The following UACA variants were observed in gnomAD, a reference collection of about 807,000 sequenced individuals.
The protein encoded by UACA is nuclear membrane binding protein.
In UACA, 112 loss-of-function variants were observed where a neutral mutation model predicts 160.5. The observed-to-expected ratio is 0.70, with a 90% CI of 0.60 to 0.82. The LOEUF is 0.82. UACA is among the 40% of genes least tolerant of loss of function. The probability of loss-of-function intolerance (pLI) is 0.00; values close to 1 mark genes in which losing one functional copy is unlikely to be tolerated. For missense variants in UACA, 1,574 were observed against 1,614.6 expected (o/e 0.97, Z 0.43); for synonymous variants, 557 against 568.4 (o/e 0.98, Z 0.29).
intron 1 of UACA, among the ~76,000 whole-genome samples, chr15:70,747,243 T>G (rs1376903853): frequency 1.4e-5 from 2 of 141,760 alleles, no homozygotes; most frequent in Non-Finnish European, 3.1e-5. Context: ...TTTTTTGGGT[T>G]TTTTTTTTTT....
intron 1 of UACA, among the ~76,000 whole-genome samples, chr15:70,717,305 G>A (rs1249606029): frequency 1.3e-5 from 2 of 152,144 alleles, no homozygotes; most frequent in African/African-American, 4.8e-5. Context: ...CACTAAACTA[G>A]GCATGGACCA....
At chr15:70,715,620 C>T (rs550629241) in intron 1 of UACA, among the ~76,000 whole-genome samples, 5 of 152,232 alleles carry the variant, frequency 3.3e-5, no homozygotes, top group East Asian at 1.9e-4. Context: ...AAGTTAGCTG[C>T]TCTTCCTTTT....
intron 1 of UACA, among the ~76,000 whole-genome samples, chr15:70,737,922 T>A (rs960185450): frequency 6.6e-6 from 1 of 152,172 alleles, no homozygotes; most frequent in Non-Finnish European, 1.5e-5. Context: ...TACAATTCAA[T>A]AATTTGCTTG....
chr15:70,767,739 G>A (rs575402537), upstream of UACA, among the ~76,000 whole-genome samples: 8 of 152,126 alleles, frequency 5.3e-5, no homozygotes, highest in South Asian at 1.2e-3. Flanking sequence ...TTGCTGCTCC[G>A]AGTAGCCCTG....
At chr15:70,704,013 G>C (rs1187256921) in intron 1 of UACA, among the ~76,000 whole-genome samples, 1 of 152,082 alleles carries the variant, frequency 6.6e-6, no homozygotes, top group Non-Finnish European at 1.5e-5. Flanking sequence ...TCTGCAGGGA[G>C]CTCATCAGTA....
In UACA at chr15:70,691,291, T is replaced by G. The variant is rs1478999436; in HGVS notation, c.366+8A>C. 2 of 1,592,654 alleles carry G rather than the reference T, an allele frequency of 1.3e-6. No homozygotes were observed. Among genetic ancestry groups the G allele is most frequent in the Non-Finnish European group, 1.7e-6 (2 of 1,166,706 alleles). On this transcript the variant is annotated splice_region_variant and intron_variant, in intron 4 of 18. Coordinates refer to ENST00000322954, the MANE Select transcript of UACA (RefSeq NM_018003.4). ...TAATAAAGCTAAAGTATTAACCACT[T>G]CCACTACCTGTAGAAGTTTTTGTAG...
At chr15:70,685,646 C>T (rs994756105) in intron 7 of UACA, among the ~76,000 whole-genome samples, 2 of 152,062 alleles carry the variant, frequency 1.3e-5, no homozygotes, top group African/African-American at 4.8e-5. Context: ...TATACACTGC[C>T]CTGCTTCATT....
intron 4 of UACA, among the ~76,000 whole-genome samples, chr15:70,690,812 C>T (rs1477393889): frequency 6.6e-6 from 1 of 151,274 alleles, no homozygotes; most frequent in African/African-American, 2.4e-5. Context: ...ACTTGAGATA[C>T]TGAATCAGAA....
chr15:70,681,411 T>C (rs1897500507), intron 9 of UACA: 2 of 152,254 alleles, frequency 1.3e-5, no homozygotes, highest in South Asian at 4.2e-4. Context: ...ATTTAGTAAG[T>C]GTATTCAATA....
At chr15:70,752,774 TA>T (rs2030168743) in intron 1 of UACA, among the ~76,000 whole-genome samples, 1 of 152,114 alleles carries the variant, frequency 6.6e-6, no homozygotes, top group Non-Finnish European at 1.5e-5. Context: ...TACACAGTTG[TA>T]GATACACACA....
rs567975370 is a variant in UACA at position 70,724,098 on chromosome 15, C to A, written c.79-24438G>T. ...CTGTCTCCCCCCACTTTTCTGTCTA[C>A]AAATTTCTCAAGAGCAAGGAGTACA... On this transcript the variant is annotated intron_variant, in intron 1 of 18. Transcript: ENST00000322954. 5.9e-5 allele frequency among the ~76,000 whole-genome samples: 9 copies of A among 152,290 alleles called. No homozygotes were observed. In the East Asian group the frequency reaches 1.7e-3, roughly 29 times the overall value.
At chr15:70,754,685 T>G (rs2030309872) in intron 1 of UACA, among the ~76,000 whole-genome samples, 1 of 152,028 alleles carries the variant, frequency 6.6e-6, no homozygotes, top group African/African-American at 2.4e-5. Flanking sequence ...ACTGTATCAT[T>G]TGAAAATAAG....
intron 1 of UACA, among the ~76,000 whole-genome samples, chr15:70,723,222 C>T (rs972941587): frequency 2.0e-5 from 3 of 152,192 alleles, no homozygotes; most frequent in African/African-American, 7.2e-5. Flanking sequence ...ACAGCAGGTG[C>T]AGCGGCTCAC....
intron 1 of UACA, among the ~76,000 whole-genome samples, chr15:70,729,381 G>C (rs902278870): frequency 2.0e-5 from 3 of 152,168 alleles, no homozygotes; most frequent in African/African-American, 7.2e-5. Flanking sequence ...CCATGTCTTT[G>C]CTGCAGCTTG....
upstream of UACA, chr15:70,768,113 G>T (rs935429572): frequency 1.3e-5 from 2 of 152,316 alleles, no homozygotes; most frequent in East Asian, 3.9e-4. Context: ...TGTCTGCTCC[G>T]CATAACCATA....
At chr15:70,674,888 T>C (rs536058275) in intron 13 of UACA, among the ~76,000 whole-genome samples, 7 of 152,332 alleles carry the variant, frequency 4.6e-5, no homozygotes, top group East Asian at 1.9e-4. Context: ...CGTGAGACAC[T>C]GCGCCTGGCC....
In UACA at chr15:70,736,096, T is replaced by C. The variant is rs536785218; in HGVS notation, c.78+27234A>G. On this transcript the variant is annotated intron_variant, in intron 1 of 18. Coordinates refer to ENST00000322954, the MANE Select transcript of UACA (RefSeq NM_018003.4). ...TGGGATTATAATAGTAATATTATAC[T>C]GATAGATGTCTTTAAGGGAAACACC... Among the ~76,000 whole-genome samples, 5 of 152,364 alleles carry C rather than the reference T, an allele frequency of 3.3e-5. No homozygotes were observed. The South Asian group carries it at 6.2e-4, about 19-fold the overall frequency.
At chr15:70,744,474 G>A (rs1899639585) in intron 1 of UACA, among the ~76,000 whole-genome samples, 1 of 151,994 alleles carries the variant, frequency 6.6e-6, no homozygotes, top group South Asian at 2.1e-4. Flanking sequence ...TAAGATAATA[G>A]ACTATAAACT....
chr15:70,660,963 G>A (rs1028056022), intron 17 of UACA: 1 of 152,122 alleles, frequency 6.6e-6, no homozygotes, highest in African/African-American at 2.4e-5. Context: ...AGCTTATATA[G>A]GGTTCATTCA....
Sources: gnomAD v4.1 joint callset for allele counts (sites outside exome capture counted in the v4.1 genomes callset) on GRCh38, gnomAD v4.1.1 for gene constraint, MANE v1.5 for transcripts, NCBI Gene and HGNC (gene_info 2026-07-23, HGNC 2026-07-21) for gene names.